CENPI: variants seen among roughly 807,000 people sequenced by gnomAD.
CENPI encodes the protein FSH primary response 1.
A neutral mutation model predicts 60.4 loss-of-function variants in CENPI; 4 were observed. The observed-to-expected ratio is 0.07, with a 90% confidence interval of 0.03 to 0.15. The LOEUF (loss-of-function observed/expected upper bound fraction) is 0.15, where lower values mean the gene tolerates loss of function less well. Ranked by LOEUF, CENPI falls within the 10% of genes least tolerant of loss-of-function variation. The probability of loss-of-function intolerance (pLI) is 1.00; values close to 1 mark genes in which losing one functional copy is unlikely to be tolerated. For missense variants in CENPI, 444 were observed against 534.5 expected, an observed-to-expected ratio of 0.83 and a Z score of 1.67; for synonymous variants, 157 against 189.4, an observed-to-expected ratio of 0.83 and a Z score of 1.40.
At chrX:101,138,271 G>C (rs367986668) in intron 15 of CENPI, among the ~76,000 whole-genome samples, 3 of 108,133 alleles carry the variant, frequency 2.8e-5, no homozygotes, top group Non-Finnish European at 5.8e-5. Flanking sequence ...TACAAGTGTG[G>C]GTCACTGCAA....
rs963675781 is a variant in CENPI, at chrX:101,120,750, G to A, written c.653G>A (p.Arg218His). Residue 218 changes from arginine (R) to histidine (H), a missense_variant, in exon 8 of 22, where the codon CGT becomes CAT. By Grantham distance (29) the Arg-to-His change is conservative (BLOSUM62 0). Coordinates refer to ENST00000682095, the MANE Select transcript of CENPI (RefSeq NM_001386188.2). ...TTATGTTTTCTAGTCAAACCATTTC[G>A]TGTGAGAAAACTGCTTGATCTTCAG... ...LTKKENVKPF[R>H]VRKLLDLQAK... The A allele has an allele frequency of 2.5e-6, 3 of 1,206,734 alleles. No individual in the cohort carries two copies. Among genetic ancestry groups the A allele is most frequent in the South Asian group, 1.8e-5 (1 of 56,450 alleles).
intron 16 of CENPI, among the ~76,000 whole-genome samples, 192 bp from the exon 17 acceptor site, chrX:101,144,872 A>G (rs1286222941): frequency 8.9e-6 from 1 of 111,870 alleles, no homozygotes; most frequent in Non-Finnish European, 1.9e-5. Context: ...ATTCGTCTTA[A>G]TGGTTCCCTG....
At chrX:101,146,796 A>G (rs766127681) in intron 18 of CENPI, among the ~76,000 whole-genome samples, 1 of 110,925 alleles carries the variant, frequency 9.0e-6, no homozygotes, top group Non-Finnish European at 1.9e-5. Context: ...GTGCAGTGAC[A>G]TGATCTCGGC....
At chrX:101,173,011 A>ATTTTTTTTTTTTTTTTTTTTTTTTTTT in the CENPI span, among the ~76,000 whole-genome samples, 1 of 68,693 alleles carries the variant, frequency 1.5e-5, no homozygotes, top group Non-Finnish European at 2.6e-5. Flanking sequence ...AGTTGTAGGA[A>ATTTTTTTTTTTTTTTTTTTTTTTTTTT]TTTTTTTTTT....
chrX:101,161,709 A>C, intron 21 of CENPI, 140 bp downstream of exon 21: 1 of 518,495 alleles, frequency 1.9e-6, no homozygotes, highest in Non-Finnish European at 3.3e-6. Flanking sequence ...TTCCAAATTC[A>C]TTCCAGTGAC....
At chrX:101,141,102 T>G (rs1371165709) in intron 16 of CENPI, 1 of 120,901 alleles carries the variant, frequency 8.3e-6, no homozygotes, top group Non-Finnish European at 1.7e-5. Context: ...TTAAAGCCAA[T>G]TTTCATGATG....
intron 20 of CENPI, among the ~76,000 whole-genome samples, chrX:101,149,447 G>T (rs1258564605): frequency 9.1e-6 from 1 of 110,477 alleles, no homozygotes; most frequent in Non-Finnish European, 1.9e-5. Context: ...AGGCAGAATT[G>T]TAGGGCTAGA....
chrX:101,106,422 T>G (rs1192449421), intron 4 of CENPI, among the ~76,000 whole-genome samples: 2 of 108,836 alleles, frequency 1.8e-5, no homozygotes, highest in Admixed American at 9.9e-5. Flanking sequence ...GACATCTTTT[T>G]TTTTTTTTTT....
chrX:101,172,431 T>C, the CENPI span, among the ~76,000 whole-genome samples: 1 of 110,972 alleles, frequency 9.0e-6, no homozygotes, highest in South Asian at 3.9e-4. Flanking sequence ...TAAAGTATGC[T>C]ATACCCATTT....
downstream of CENPI, among the ~76,000 whole-genome samples, chrX:101,169,783 T>C (rs1392075914): frequency 1.8e-5 from 2 of 111,191 alleles, no homozygotes; most frequent in Non-Finnish European, 1.9e-5. Flanking sequence ...TGGAAGACAG[T>C]GATATTGATG....
chrX:101,162,724 G>T (rs2148270661), intron 21 of CENPI, 109 bp from the exon 22 acceptor site: 1 of 841,514 alleles, frequency 1.2e-6, no homozygotes, highest in South Asian at 2.4e-5. Flanking sequence ...AACTAATTTT[G>T]ATATGTGCAT....
chrX:101,120,648 A>G, intron 7 of CENPI, 90 bp from the exon 8 acceptor site: 1 of 839,192 alleles, frequency 1.2e-6, no homozygotes, highest in East Asian at 3.2e-5. Context: ...ACAAGAAGAA[A>G]CTGTATGAAT....
At chrX:101,158,434 C>A (rs1402785203) in intron 20 of CENPI, among the ~76,000 whole-genome samples, 1 of 108,484 alleles carries the variant, frequency 9.2e-6, no homozygotes, top group East Asian at 2.9e-4. Flanking sequence ...CGTACCACCA[C>A]GCCTGGCTAA....
chrX:101,098,321 T>C (rs2089370036), intron 1 of CENPI, 73 bp downstream of exon 1: 1 of 112,197 alleles, frequency 8.9e-6, no homozygotes. Flanking sequence ...GGTGGGACTA[T>C]CCTGCAAGGT....
At chrX:101,162,713 G>A (rs999940951) in intron 21 of CENPI, 120 bp from the exon 22 acceptor site, 2 of 747,110 alleles carry the variant, frequency 2.7e-6, no homozygotes, top group Admixed American at 5.8e-5. Flanking sequence ...TTTCCCCCCC[G>A]AACTAATTTT....
intron 6 of CENPI, among the ~76,000 whole-genome samples, chrX:101,115,787 T>A (rs1355064006): frequency 1.8e-5 from 2 of 112,177 alleles, no homozygotes; most frequent in African/African-American, 6.5e-5. Flanking sequence ...TGAAATTTTC[T>A]AACCATTACG....
At chrX:101,156,735 G>A (rs958043508) in intron 20 of CENPI, among the ~76,000 whole-genome samples, 1 of 87,809 alleles carries the variant, frequency 1.1e-5, no homozygotes, top group Admixed American at 1.3e-4. Context: ...CCACTTATGA[G>A]TGAGAATATA....
intron 6 of CENPI, among the ~76,000 whole-genome samples, chrX:101,115,847 ACTAT>A (rs1308826503): frequency 1.8e-5 from 2 of 111,650 alleles, no homozygotes; most frequent in African/African-American, 6.5e-5. Flanking sequence ...CCTCTAATCT[ACTAT>A]CTGTCTCTAT....
At chrX:101,113,608 C>G (rs2089583295) in intron 6 of CENPI, among the ~76,000 whole-genome samples, 1 of 112,078 alleles carries the variant, frequency 8.9e-6, no homozygotes, top group Non-Finnish European at 1.9e-5. Context: ...CCACGCCTGG[C>G]CGATACTATT....
Sources: gnomAD v4.1 joint callset for allele counts (sites outside exome capture counted in the v4.1 genomes callset) on GRCh38, gnomAD v4.1.1 for gene constraint, MANE v1.5 for transcripts, NCBI Gene and HGNC (gene_info 2026-07-23, HGNC 2026-07-21) for gene names.